Variants in DPP9 observed in about 807,000 individuals in gnomAD.
The protein encoded by DPP9 is dipeptidyl peptidase IV-related protein-2.
Under a neutral mutation model 110.7 loss-of-function variants are expected in DPP9, and 50 were observed. That is an observed-to-expected ratio of 0.45 (90% CI 0.36 to 0.57). The LOEUF (loss-of-function observed/expected upper bound fraction) is 0.57, where lower values mean the gene tolerates loss of function less well. Among genes scored for constraint, DPP9 ranks in the 20% least tolerant of loss-of-function variants. The pLI, the probability that DPP9 is intolerant of heterozygous loss-of-function variation, is 0.00. For synonymous variants in DPP9, 561 were observed against 514.4 expected, an observed-to-expected ratio of 1.09 and a Z score of -1.23; for missense variants, 1,022 against 1,217.9, an observed-to-expected ratio of 0.84 and a Z score of 2.39.
chr19:4,688,913 T>A, intron 15 of DPP9, 21 bp from the exon 16 acceptor site: 2 of 1,510,698 alleles, frequency 1.3e-6, no homozygotes, highest in Non-Finnish European at 8.7e-7. Flanking sequence ...AATGGGGTGA[T>A]GAGCTCCACG....
rs112607717 is a variant in DPP9, at chr19:4,722,734, T to C, written c.-88-183A>G. The C allele has an allele frequency of 1.1e-4, 64 of 582,602 alleles. No homozygotes were observed. The African/African-American group carries it at 1.1e-3, about 10-fold the overall frequency. The allele number at this position is 582,602 out of a possible 1,614,324, so 36.1% of individuals were successfully genotyped here. A position where few individuals can be genotyped will look rare whatever the true frequency, so the allele number is the denominator to read the frequency against. On this transcript the variant is annotated intron_variant, in intron 1 of 21. Coordinates refer to ENST00000262960, the MANE Select transcript of DPP9 (RefSeq NM_139159.5). ...TGGACAGAATCTGGGAGAGAAGCCA[T>C]CCCACGGGCCCCGATTCCCCTGGGA...
In DPP9 at chr19:4,714,130, C is replaced by T. The variant is rs777678684; in HGVS notation, c.264G>A (p.Val88=). Residue 88 remains valine (V), a synonymous_variant, in exon 4 of 22, where the codon GTG becomes GTA. Coordinates refer to ENST00000262960, the MANE Select transcript of DPP9 (RefSeq NM_139159.5). ...GGGGCCCAGACTCATCCGTCTTCTG[C>T]ACAAACTGGAAGTCGTGGGGCGCCT... ...VNKAPHDFQF[V]QKTDESGPHS... is the part of the protein sequence containing the mutation. 3 of 1,613,448 alleles carry T rather than the reference C, an allele frequency of 1.9e-6. No homozygotes were observed. The highest frequency in any genetic ancestry group is 2.7e-5 in the African/African-American group (2 of 74,914).
rs1184262691 is a variant in DPP9 at position 4,704,643 on chromosome 19, A to G, written c.427-339T>C. On this transcript the variant is annotated intron_variant, in intron 5 of 21. Coordinates refer to ENST00000262960, the MANE Select transcript of DPP9 (RefSeq NM_139159.5). The surrounding 1 kb of genome is among the most constrained non-coding windows in gnomAD (Gnocchi z 6.0). ...CTGGGAGGGGCTGTCCCTGCCCCACACCACCGGAGTACTCTCTCCGGGTCC... is the reference window on the plus strand; with the variant it reads ...CTGGGAGGGGCTGTCCCTGCCCCACGCCACCGGAGTACTCTCTCCGGGTCC... Among the ~76,000 whole-genome samples the G allele has an allele frequency of 1.3e-5, 2 of 152,136 alleles. No homozygotes were observed. The highest frequency in any genetic ancestry group is 4.8e-5 in the African/African-American group (2 of 41,438).
chr19:4,704,162 T>C lies in DPP9; in HGVS notation c.569A>G (p.His190Arg). Residue 190 changes from histidine (H) to arginine (R), a missense_variant, in exon 6 of 22, where the codon CAC becomes CGC. Physicochemically the swap from His to Arg is conservative, Grantham distance 29 (BLOSUM62 0). Transcript: ENST00000262960. The surrounding 1 kb of genome is among the most constrained non-coding windows in gnomAD (Gnocchi z 6.0). ...GCCGTTCTTGCCGCCGTCGCGGCAGTGGAAGAGGCTGTTGCTGGCCTGGAA... is the reference window on the plus strand; with the variant it reads ...GCCGTTCTTGCCGCCGTCGCGGCAGCGGAAGAGGCTGTTGCTGGCCTGGAA... Reference protein sequence around the residue: ...FLFQASNSLFHCRDGGKNGFM... With the variant: ...FLFQASNSLFRCRDGGKNGFM... The C allele has an allele frequency of 1.9e-6, 3 of 1,613,892 alleles. No individual in the cohort carries two copies. The East Asian group carries it at 6.7e-5, about 36-fold the overall frequency.
At chr19:4,680,136 C>A (rs2089611175) in intron 20 of DPP9, among the ~76,000 whole-genome samples, 190 bp from the exon 21 acceptor site, 1 of 150,896 alleles carries the variant, frequency 6.6e-6, no homozygotes, top group South Asian at 2.1e-4. Flanking sequence ...ACTTGGGAGG[C>A]TGAGGCAGGA....
chr19:4,679,271 A>C (rs1489515712), intron 21 of DPP9: 1 of 153,170 alleles, frequency 6.5e-6, no homozygotes, highest in Non-Finnish European at 1.5e-5. Flanking sequence ...CCCGCCCATA[A>C]CCATGCCCAC....
chr19:4,681,842 C>CTTT (rs778786711), intron 20 of DPP9, among the ~76,000 whole-genome samples: 7 of 115,708 alleles, frequency 6.0e-5, no homozygotes, highest in Non-Finnish European at 7.1e-5. Flanking sequence ...CCCAGGCAGA[C>CTTT]TTTTTTTTTT....
intron 2 of DPP9, among the ~76,000 whole-genome samples, chr19:4,721,540 G>A (rs184095221): frequency 6.6e-6 from 1 of 152,224 alleles, no homozygotes; most frequent in Non-Finnish European, 1.5e-5. Context: ...CAGCACTTTG[G>A]GGGGCTGAGG....
At position 4,718,200 on chromosome 19, in the gene DPP9, G is replaced by A. The variant is rs2093163823; in HGVS notation, c.56+1651C>T. Among the ~76,000 whole-genome samples the A allele has an allele frequency of 6.6e-6, 1 of 152,180 alleles. No individual in the cohort carries two copies. Among genetic ancestry groups the A allele is most frequent in the African/African-American group, 2.4e-5 (1 of 41,438 alleles). Reference sequence around the variant, plus strand: ...CTAGCAAATAGCTGGGATGAGAGGGGTGCAAGCCACCGTGCCCAGCTCCAA... The same window carrying A: ...CTAGCAAATAGCTGGGATGAGAGGGATGCAAGCCACCGTGCCCAGCTCCAA... On this transcript the variant is annotated intron_variant, in intron 3 of 21. Transcript: ENST00000262960. The surrounding 1 kb of genome is among the most constrained non-coding windows in gnomAD (Gnocchi z 4.3).
At position 4,693,921 on chromosome 19, in the gene DPP9, G is replaced by C. The variant is rs2091554189; in HGVS notation, c.1516+740C>G. On this transcript the variant is annotated intron_variant, in intron 13 of 21. Coordinates refer to ENST00000262960, the MANE Select transcript of DPP9 (RefSeq NM_139159.5). The surrounding 1 kb of genome is among the most constrained non-coding windows in gnomAD (Gnocchi z 5.0). ...CAGTCCTGCCTGCCCCAGGGCCTTT[G>C]TACGGGCTGTGGCTCTGCCCAGAGC... 6.6e-6 allele frequency among the ~76,000 whole-genome samples: 1 copy of C among 151,930 alleles called. No individual in the cohort carries two copies. Among genetic ancestry groups the C allele is most frequent in the African/African-American group, 2.4e-5 (1 of 41,366 alleles).
intron 4 of DPP9, among the ~76,000 whole-genome samples, chr19:4,707,299 T>A (rs1388952467): frequency 2.0e-5 from 3 of 152,132 alleles, no homozygotes; most frequent in African/African-American, 7.2e-5. Context: ...AACTGTGTAT[T>A]TTCCAAATGG....
rs1310837994 is a variant in DPP9, at chr19:4,705,904, T to G, written c.380A>C (p.Glu127Ala). Residue 127 changes from glutamate (E) to alanine (A), a missense_variant, in exon 5 of 22, where the codon GAG becomes GCG. Physicochemically the swap from Glu to Ala is moderately radical, Grantham distance 107. This residue lies in a region of DPP9 where 810 missense variants were observed against 920.6 expected (regional missense o/e 0.88). Coordinates refer to ENST00000262960, the MANE Select transcript of DPP9 (RefSeq NM_139159.5). ...CTTCCAGGACAGGAGCAGCAGAGCC[T>G]CTTTCCGGACCTTCTTGGGAATCTC... Reference protein sequence around the residue: ...YSEIPKKVRKEALLLLSWKQM... With the variant: ...YSEIPKKVRKAALLLLSWKQM... The G allele has an allele frequency of 6.2e-7, 1 of 1,613,838 alleles. No individual in the cohort carries two copies. The highest frequency in any genetic ancestry group is 1.3e-5 in the African/African-American group (1 of 74,938).
intron 7 of DPP9, among the ~76,000 whole-genome samples, chr19:4,703,582 G>A (rs1913688763): frequency 6.6e-6 from 1 of 151,638 alleles, no homozygotes; most frequent in Admixed American, 6.6e-5. Context: ...GTTGCAGTGA[G>A]CCGAGATCAT....
Position 4,689,558 on chromosome 19 carries a change from G to C in DPP9, c.1749+12C>G. 1 of 1,551,656 alleles carries C rather than the reference G, an allele frequency of 6.4e-7. No individual in the cohort carries two copies. Among genetic ancestry groups the C allele is most frequent in the Non-Finnish European group, 8.7e-7 (1 of 1,151,868 alleles). ...GGGCACAGGGCGGTGCCGTGAGGCT[G>C]GGCGGTCCCACCTGGCTCATGGAGC... On this transcript the variant is annotated intron_variant, in intron 15 of 21. Coordinates refer to ENST00000262960, the MANE Select transcript of DPP9 (RefSeq NM_139159.5). The surrounding 1 kb of genome is among the most constrained non-coding windows in gnomAD (Gnocchi z 7.0).
At position 4,694,580 on chromosome 19, in the gene DPP9, G is replaced by C. The variant is rs761779404; in HGVS notation, c.1516+81C>G. The C allele has an allele frequency of 1.3e-6, 2 of 1,509,904 alleles. No individual in the cohort carries two copies. Among genetic ancestry groups the C allele is most frequent in the Admixed American group, 2.0e-5 (1 of 50,406 alleles). The allele number at this position is 1,509,904 out of a possible 1,614,324, so 93.5% of individuals were successfully genotyped here. A position where few individuals can be genotyped will look rare whatever the true frequency, so the allele number is the denominator to read the frequency against. The stretch of plus-strand genomic sequence containing the variant: ...GCAGGGTGTGCTGGCTGAGTGGGGG[G>C]GCCGACCAATGAACAAACAGCATAT... On this transcript the variant is annotated intron_variant, in intron 13 of 21. Transcript: ENST00000262960. The surrounding 1 kb of genome is among the most constrained non-coding windows in gnomAD (Gnocchi z 4.0).
intron 21 of DPP9, chr19:4,679,437 C>T: frequency 4.4e-6 from 1 of 229,648 alleles, no homozygotes; most frequent in South Asian, 5.6e-5. Context: ...GAATGCTTGG[C>T]CCCAGCGCCT....
chr19:4,677,244 G>C (rs1238781622), intron 21 of DPP9, among the ~76,000 whole-genome samples: 1 of 152,134 alleles, frequency 6.6e-6, no homozygotes, highest in South Asian at 2.1e-4. Context: ...GGATCCACAC[G>C]GGGATGCAGG....
intron 19 of DPP9, chr19:4,683,168 C>A: frequency 7.0e-7 from 1 of 1,437,828 alleles, no homozygotes; most frequent in Non-Finnish European, 9.1e-7. Context: ...GCCCCCCCGC[C>A]GCTCTGCACA....
Position 4,684,891 on chromosome 19 carries a change from G to T in DPP9, c.2032-82C>A. On this transcript the variant is annotated intron_variant, in intron 17 of 21. Transcript: ENST00000262960. This position sits in a 1 kb window ranked among gnomAD's most constrained non-coding sequence, Gnocchi z 4.8. The stretch of plus-strand genomic sequence containing the variant: ...GCAGGGGAGATGCCGGTGGGCTGGG[G>T]ACCGGGCCGGGCTGGGGCCTCAGAG... The T allele has an allele frequency of 6.5e-7, 1 of 1,532,588 alleles. No individual in the cohort carries two copies. The highest frequency in any genetic ancestry group is 2.4e-5 in the East Asian group (1 of 40,872). 94.9% of individuals were successfully genotyped at this position (1,532,588 alleles called of 1,614,324 possible). A position where few individuals can be genotyped will look rare whatever the true frequency, so the allele number is the denominator to read the frequency against.
Sources: gnomAD v4.1 joint callset for allele counts (sites outside exome capture counted in the v4.1 genomes callset) on GRCh38, gnomAD v4.1.1 for gene constraint, gnomAD v4.1.1 regional missense constraint, Gnocchi (gnomAD v3.1) non-coding constraint, MANE v1.5 for transcripts, NCBI Gene and HGNC (gene_info 2026-07-23, HGNC 2026-07-21) for gene names.